The following EYS variants were observed in gnomAD, a reference collection of about 807,000 sequenced individuals.
EYS encodes the protein protein eyes shut homolog.
Under a neutral mutation model 282.1 loss-of-function variants are expected in EYS, and 250 were observed. That is an observed-to-expected ratio of 0.89 (90% CI 0.80 to 0.98). The LOEUF (loss-of-function observed/expected upper bound fraction) is 0.98. EYS is among the 50% of genes least tolerant of loss of function. The pLI, the probability that EYS is intolerant of heterozygous loss-of-function variation, is 0.00. For missense variants in EYS, 4,016 were observed against 3,709.0 expected, an observed-to-expected ratio of 1.08 and a Z score of -2.15; for synonymous variants, 1,355 against 1,282.9, an observed-to-expected ratio of 1.06 and a Z score of -1.20.
intron 13 of EYS, among the ~76,000 whole-genome samples, chr6:65,021,876 G>A (rs1390063600): frequency 6.6e-6 from 1 of 152,132 alleles, no homozygotes; most frequent in African/African-American, 2.4e-5. Context: ...GAGAACTGCT[G>A]AGCAAAAGAG....
intron 30 of EYS, among the ~76,000 whole-genome samples, chr6:64,249,063 C>CAAAAAAAAAAAAAAAAAAAAAA (rs34663169): frequency 1.6e-4 from 11 of 70,048 alleles, no homozygotes; most frequent in East Asian, 4.3e-4. Context: ...CACCCTGTCT[C>CAAAAAAAAAAAAAAAAAAAAAA]AAAAAAAAAA....
chr6:64,737,612 T>C (rs1189972645), intron 22 of EYS, among the ~76,000 whole-genome samples: 1 of 152,236 alleles, frequency 6.6e-6, no homozygotes, highest in Admixed American at 6.5e-5. Flanking sequence ...TCTTGGAATG[T>C]ATGTTTTGCA....
intron 28 of EYS, among the ~76,000 whole-genome samples, chr6:64,419,940 C>A (rs1164946703): frequency 2.0e-5 from 3 of 152,240 alleles, no homozygotes; most frequent in Non-Finnish European, 4.4e-5. Context: ...AGTGGGGATT[C>A]TGTGCGGGGT....
intron 31 of EYS, among the ~76,000 whole-genome samples, chr6:64,124,909 G>A (rs1451778410): frequency 2.0e-5 from 3 of 152,208 alleles, no homozygotes; most frequent in Admixed American, 2.0e-4. Context: ...GTCCTGAGTA[G>A]TATTTGGGTT....
intron 22 of EYS, among the ~76,000 whole-genome samples, chr6:64,660,507 T>C (rs952394295): frequency 6.6e-6 from 1 of 151,970 alleles, no homozygotes; most frequent in African/African-American, 2.4e-5. Flanking sequence ...CAGCCCAAAA[T>C]CTCCTTAAGC....
intron 2 of EYS, among the ~76,000 whole-genome samples, chr6:65,518,103 A>G (rs1027841119): frequency 2.0e-5 from 3 of 152,102 alleles, no homozygotes; most frequent in African/African-American, 7.2e-5. Context: ...TTGATAAATG[A>G]AGAAACTGAG....
At chr6:64,870,988 A>G (rs947699576) in intron 19 of EYS, among the ~76,000 whole-genome samples, 1 of 151,936 alleles carries the variant, frequency 6.6e-6, no homozygotes, top group Non-Finnish European at 1.5e-5. Flanking sequence ...AAGTCTCAGA[A>G]GAAGATGAAA....
chr6:63,745,595 G>A (rs75242367), intron 41 of EYS, among the ~76,000 whole-genome samples: 1 of 152,142 alleles, frequency 6.6e-6, no homozygotes, highest in South Asian at 2.1e-4. Flanking sequence ...CACATAAAGA[G>A]TAATAGATGA....
At chr6:64,820,813 G>C (rs1764875920) in intron 21 of EYS, among the ~76,000 whole-genome samples, 1 of 152,044 alleles carries the variant, frequency 6.6e-6, no homozygotes, top group Non-Finnish European at 1.5e-5. Flanking sequence ...CTCTCTGGAA[G>C]GGCCACTTAC....
chr6:64,299,707 C>T (rs1357825597), intron 30 of EYS, among the ~76,000 whole-genome samples: 4 of 152,160 alleles, frequency 2.6e-5, no homozygotes, highest in East Asian at 1.9e-4. Context: ...GTTTTGCAGG[C>T]TCAATTAAGG....
At chr6:64,921,380 T>C (rs1295807561) in intron 15 of EYS, among the ~76,000 whole-genome samples, 2 of 152,154 alleles carry the variant, frequency 1.3e-5, no homozygotes, top group African/African-American at 4.8e-5. Flanking sequence ...AATTGTCTTA[T>C]TTTTTAATAA....
At chr6:64,876,133 T>C (rs1159122628) in intron 19 of EYS, among the ~76,000 whole-genome samples, 1 of 152,076 alleles carries the variant, frequency 6.6e-6, no homozygotes, top group African/African-American at 2.4e-5. Flanking sequence ...TACTTTGTAA[T>C]ATTACATCAA....
intron 31 of EYS, among the ~76,000 whole-genome samples, chr6:64,130,071 C>G (rs962512131): frequency 6.6e-6 from 1 of 152,114 alleles, no homozygotes; most frequent in African/African-American, 2.4e-5. Flanking sequence ...CGTGATGCCT[C>G]CAGCTCCTCA....
chr6:64,019,354 T>C (rs1449587789), intron 33 of EYS, among the ~76,000 whole-genome samples: 1 of 152,208 alleles, frequency 6.6e-6, no homozygotes, highest in Non-Finnish European at 1.5e-5. Context: ...CCACATAGTT[T>C]GTGTCCATTT....
intron 31 of EYS, among the ~76,000 whole-genome samples, chr6:64,127,032 G>T (rs932273389): frequency 1.3e-5 from 2 of 152,202 alleles, no homozygotes; most frequent in South Asian, 2.1e-4. Context: ...CTACTTTCTG[G>T]AAGTATTCTT....
chr6:65,238,160 TATTC>T (rs1206134239), intron 12 of EYS, among the ~76,000 whole-genome samples: 2 of 151,652 alleles, frequency 1.3e-5, no homozygotes, highest in Non-Finnish European at 3.0e-5. Flanking sequence ...GCTATACTTT[TATTC>T]ATTTTCTATT....
intron 5 of EYS, among the ~76,000 whole-genome samples, chr6:65,442,095 G>A (rs1339175712): frequency 6.6e-6 from 1 of 151,850 alleles, no homozygotes; most frequent in South Asian, 2.1e-4. Context: ...TTTAAATTGT[G>A]TTGCTTTTAG....
chr6:64,348,024 G>C (rs942567991), intron 29 of EYS, among the ~76,000 whole-genome samples: 2 of 151,398 alleles, frequency 1.3e-5, no homozygotes, highest in Non-Finnish European at 3.0e-5. Context: ...ACGAGATCTT[G>C]TGTTTATATT....
intron 22 of EYS, among the ~76,000 whole-genome samples, chr6:64,714,631 C>T (rs1040761826): frequency 6.6e-6 from 1 of 151,156 alleles, no homozygotes; most frequent in African/African-American, 2.4e-5. Flanking sequence ...GTTCACACCA[C>T]TCTCCTGCCT....
Sources: allele counts gnomAD v4.1 joint callset (sites outside exome capture counted in the v4.1 genomes callset), GRCh38; gene constraint gnomAD v4.1.1; transcripts MANE v1.5; gene names NCBI Gene and HGNC (gene_info 2026-07-23, HGNC 2026-07-21).